The following SV2C variants were observed in gnomAD, a reference collection of about 807,000 sequenced individuals.
SV2C encodes solute carrier family 22 member B3.
SV2C carries 49 observed loss-of-function variants against 79.7 expected under a neutral mutation model. That is an observed-to-expected ratio of 0.61 (90% CI 0.49 to 0.78). SV2C has a LOEUF of 0.78. SV2C is among the 30% of genes least tolerant of loss of function. SV2C has a pLI of 0.00. For synonymous variants in SV2C, 334 were observed against 333.2 expected, an observed-to-expected ratio of 1.00 and a Z score of -0.03; for missense variants, 833 against 912.9, an observed-to-expected ratio of 0.91 and a Z score of 1.13.
the SV2C span, among the ~76,000 whole-genome samples, chr5:76,029,811 T>C: frequency 6.6e-6 from 1 of 152,170 alleles, no homozygotes; most frequent in South Asian, 2.1e-4. Context: ...CGTGGCGATG[T>C]TTACTTTGGA....
chr5:76,127,833 C>G (rs1451960822), intron 1 of SV2C, among the ~76,000 whole-genome samples: 1 of 152,126 alleles, frequency 6.6e-6, no homozygotes. Context: ...GGAAAAATTC[C>G]GAGGCATAAT....
the SV2C span, among the ~76,000 whole-genome samples, chr5:75,971,410 G>A: frequency 6.6e-6 from 1 of 152,080 alleles, no homozygotes; most frequent in Admixed American, 6.5e-5. Flanking sequence ...TGACATGATT[G>A]CATATCTAGA....
At chr5:76,351,637 G>T (rs779120991) in intron 12 of SV2C, among the ~76,000 whole-genome samples, 1 of 152,288 alleles carries the variant, frequency 6.6e-6, no homozygotes, top group East Asian at 1.9e-4. Context: ...CCCTGCCACA[G>T]TGGAAATGTC....
In SV2C at chr5:76,328,596, G is replaced by C. The variant is rs879571426; in HGVS notation, c.*3049G>C. ...CCTAGCCTGACCTTCACCACTAAGC[G>C]GTACAGGGACCCAGATCTTGCTGTG... On this transcript the variant is annotated 3_prime_UTR_variant, in exon 13 of 13. Transcript: ENST00000502798. The C allele has an allele frequency of 6.6e-6, 1 of 152,130 alleles. No individual in the cohort carries two copies. Among genetic ancestry groups the C allele is most frequent in the Non-Finnish European group, 1.5e-5 (1 of 68,040 alleles). The allele number at this position is 152,130 out of a possible 1,614,324, so 9.4% of individuals were successfully genotyped here. A position where few individuals can be genotyped will look rare whatever the true frequency, so the allele number is the denominator to read the frequency against.
chr5:76,054,289 A>C, the SV2C span, among the ~76,000 whole-genome samples: 183 of 152,156 alleles, frequency 1.2e-3, 1 homozygote, highest in Non-Finnish European at 2.2e-3. Context: ...TGATAGTTTC[A>C]AGCTTCATCC....
the SV2C span, among the ~76,000 whole-genome samples, chr5:75,853,952 T>C: frequency 6.7e-6 from 1 of 148,788 alleles, no homozygotes; most frequent in Non-Finnish European, 1.5e-5. Context: ...GACAGATATA[T>C]ATATGTACTA....
chr5:76,120,524 C>T (rs56961489), intron 1 of SV2C, among the ~76,000 whole-genome samples: 1 of 112,528 alleles, frequency 8.9e-6, no homozygotes, highest in Non-Finnish European at 1.7e-5. Context: ...CCCCTCCCCC[C>T]ACCCCACAAC....
chr5:75,961,650 T>C, the SV2C span, among the ~76,000 whole-genome samples: 1 of 151,980 alleles, frequency 6.6e-6, no homozygotes, highest in Admixed American at 6.6e-5. Flanking sequence ...TTACATACCA[T>C]TTAATATTTT....
In SV2C at chr5:76,301,556, AT is replaced by A. The variant is rs1748002162; in HGVS notation, c.2000+12del. 3 of 1,610,440 alleles carry A rather than the reference AT, an allele frequency of 1.9e-6. No homozygotes were observed. In the East Asian group the frequency reaches 6.7e-5, roughly 36 times the overall value. On this transcript the variant is annotated intron_variant, in intron 12 of 12. Transcript: ENST00000502798. The stretch of plus-strand genomic sequence containing the variant: ...CCCCACAGACCGGAGGTATGTTGAA[AT>A]GGGCCTCTAGTAAGAGGCACTCTAA...
chr5:76,193,514 A>G (rs1020591457), intron 2 of SV2C, among the ~76,000 whole-genome samples: 1 of 152,216 alleles, frequency 6.6e-6, no homozygotes, highest in African/African-American at 2.4e-5. Flanking sequence ...TCCCAAGTTG[A>G]GCTTAGCAGA....
At chr5:76,069,811 C>A in the SV2C span, among the ~76,000 whole-genome samples, 7 of 151,158 alleles carry the variant, frequency 4.6e-5, no homozygotes, top group African/African-American at 1.7e-4. Flanking sequence ...TGTCTCCAAC[C>A]CCCGTTTCTC....
chr5:75,925,166 C>T, the SV2C span, among the ~76,000 whole-genome samples: 1 of 152,140 alleles, frequency 6.6e-6, no homozygotes, highest in Non-Finnish European at 1.5e-5. Flanking sequence ...TCCCCCAGTC[C>T]TGGAGCTGGG....
intron 4 of SV2C, among the ~76,000 whole-genome samples, chr5:76,236,383 T>G (rs1745611172): frequency 6.6e-6 from 1 of 151,880 alleles, no homozygotes; most frequent in Non-Finnish European, 1.5e-5. Flanking sequence ...GTCAGCATGG[T>G]GAAACCCCGT....
At chr5:75,860,338 G>A in the SV2C span, among the ~76,000 whole-genome samples, 280 of 152,226 alleles carry the variant, frequency 1.8e-3, 2 homozygotes, top group African/African-American at 6.0e-3. Context: ...AAGTAATTGC[G>A]GTTTTTGCCA....
intron 2 of SV2C, among the ~76,000 whole-genome samples, chr5:76,182,018 C>T (rs1283919661): frequency 6.6e-6 from 1 of 152,182 alleles, no homozygotes; most frequent in African/African-American, 2.4e-5. Context: ...TAGACCTTCT[C>T]CAGGACTGTT....
At chr5:75,865,486 G>A in the SV2C span, among the ~76,000 whole-genome samples, 3 of 152,232 alleles carry the variant, frequency 2.0e-5, no homozygotes, top group African/African-American at 7.2e-5. Flanking sequence ...TTGCATTAGA[G>A]CCACATCCAG....
At chr5:75,955,316 T>C in the SV2C span, among the ~76,000 whole-genome samples, 1 of 149,306 alleles carries the variant, frequency 6.7e-6, no homozygotes, top group African/African-American at 2.5e-5. Flanking sequence ...ATTTAATAAA[T>C]GGTGCTGGGA....
the SV2C span, among the ~76,000 whole-genome samples, chr5:76,029,003 G>C: frequency 1.3e-5 from 2 of 152,338 alleles, no homozygotes; most frequent in South Asian, 4.1e-4. Flanking sequence ...AATGCAATAA[G>C]TAAGTGGCTG....
the SV2C span, chr5:75,920,911 C>T: frequency 2.7e-6 from 2 of 741,608 alleles, no homozygotes; most frequent in Admixed American, 1.8e-5. Context: ...CCCTGCAGGC[C>T]CTGGTCTCGT....
Sources: gnomAD v4.1 joint callset for allele counts (sites outside exome capture counted in the v4.1 genomes callset) on GRCh38, gnomAD v4.1.1 for gene constraint, MANE v1.5 for transcripts, NCBI Gene and HGNC (gene_info 2026-07-23, HGNC 2026-07-21) for gene names.